Variants in LMNTD1 observed in about 807,000 individuals in gnomAD.
The protein encoded by LMNTD1 is lamin tail domain-containing protein 1.
Under a neutral mutation model 50.9 loss-of-function variants are expected in LMNTD1, and 35 were observed. The observed-to-expected ratio is 0.69, with a 90% CI of 0.53 to 0.91. LMNTD1 has a LOEUF of 0.91. Among genes scored for constraint, LMNTD1 ranks in the 40% least tolerant of loss-of-function variants. LMNTD1 has a pLI of 0.00. For synonymous variants in LMNTD1, 153 were observed against 161.9 expected (o/e 0.94, Z 0.42); for missense variants, 470 against 475.5 (o/e 0.99, Z 0.11).
chr12:25,587,008 T>C (rs111325838), intron 1 of LMNTD1, among the ~76,000 whole-genome samples: 5 of 152,206 alleles, frequency 3.3e-5, no homozygotes, highest in African/African-American at 1.2e-4. Context: ...GTAGTTCACT[T>C]AACCCATTGT....
At chr12:25,481,070 G>T (rs571475398) in intron 9 of LMNTD1, among the ~76,000 whole-genome samples, 1 of 152,008 alleles carries the variant, frequency 6.6e-6, no homozygotes, top group Non-Finnish European at 1.5e-5. Context: ...CCACCACAGA[G>T]TCTTTGGGCT....
intron 1 of LMNTD1, among the ~76,000 whole-genome samples, chr12:25,629,848 C>T (rs559835987): frequency 1.3e-5 from 2 of 152,168 alleles, no homozygotes; most frequent in Admixed American, 1.3e-4. Flanking sequence ...TGAAAAGAGT[C>T]CTCATGGAGT....
intron 4 of LMNTD1, among the ~76,000 whole-genome samples, chr12:25,530,791 T>C (rs1942170249): frequency 6.6e-6 from 1 of 152,212 alleles, no homozygotes; most frequent in Non-Finnish European, 1.5e-5. Flanking sequence ...CTCTGGATCC[T>C]GTGAATATGT....
At chr12:25,545,967 ATAGATAC>A (rs1943402537) in intron 4 of LMNTD1, among the ~76,000 whole-genome samples, 3 of 151,712 alleles carry the variant, frequency 2.0e-5, no homozygotes, top group South Asian at 4.1e-4. Context: ...TTCTTTTTGC[ATAGATAC>A]TAACAGTCAT....
At chr12:25,549,239 T>A (rs1943609762) in intron 3 of LMNTD1, 87 bp downstream of exon 3, 3 of 682,436 alleles carry the variant, frequency 4.4e-6, no homozygotes, top group Non-Finnish European at 7.2e-6. Flanking sequence ...TAATAAAACA[T>A]CATTCTGACT....
chr12:25,607,214 C>G (rs1027271917), intron 1 of LMNTD1, among the ~76,000 whole-genome samples: 1 of 151,896 alleles, frequency 6.6e-6, no homozygotes, highest in African/African-American at 2.4e-5. Flanking sequence ...CTGTTTGATT[C>G]TTCTCTCTTT....
rs55781545 is a variant in LMNTD1 at position 25,571,339 on chromosome 12, TTTTATTTA to T, written c.59-24793_59-24786del. Among the ~76,000 whole-genome samples the T allele has an allele frequency of 6.4e-3, 946 of 148,774 alleles. 18 individuals carry two copies. In the East Asian group the frequency reaches 0.072, roughly 11 times the overall value. On this transcript the variant is annotated intron_variant, in intron 1 of 7. Coordinates refer to the LMNTD1 transcript ENST00000445693. ...GGGATTTCTTTTTTCAAAAAAGTAT[TTTTATTTA>T]TTTATTTATTTATTTATTTATTTAT...
At chr12:25,596,984 T>C (rs1023889466) in intron 1 of LMNTD1, among the ~76,000 whole-genome samples, 1 of 152,038 alleles carries the variant, frequency 6.6e-6, no homozygotes, top group African/African-American at 2.4e-5. Context: ...CGTTAAGTTG[T>C]TATCAGCTTA....
At chr12:25,488,793 T>A (rs1484504311) in intron 9 of LMNTD1, among the ~76,000 whole-genome samples, 2 of 152,248 alleles carry the variant, frequency 1.3e-5, no homozygotes, top group Non-Finnish European at 2.9e-5. Flanking sequence ...ATGATGGTGA[T>A]GTACAGATGG....
chr12:25,482,365 A>C (rs781697552), intron 9 of LMNTD1, among the ~76,000 whole-genome samples: 17 of 152,034 alleles, frequency 1.1e-4, no homozygotes, highest in Non-Finnish European at 2.4e-4. Flanking sequence ...TGTCAGAGAC[A>C]GTCAATCTTA....
chr12:25,489,680 T>C (rs11830763), intron 9 of LMNTD1, among the ~76,000 whole-genome samples: 39,423 of 151,754 alleles, frequency 0.26, 5,290 homozygotes, highest in Middle Eastern at 0.34. Flanking sequence ...CCATTTTAAG[T>C]AGTTATGAAG....
intron 1 of LMNTD1, among the ~76,000 whole-genome samples, chr12:25,613,730 T>A (rs1431014235): frequency 1.3e-5 from 2 of 152,122 alleles, no homozygotes; most frequent in East Asian, 3.9e-4. Context: ...TTAATATCAA[T>A]AGAATCTTGC....
At chr12:25,629,649 T>G (rs1946670186) in intron 1 of LMNTD1, among the ~76,000 whole-genome samples, 1 of 152,090 alleles carries the variant, frequency 6.6e-6, no homozygotes, top group Non-Finnish European at 1.5e-5. Context: ...GGGGATTGAT[T>G]TTATTTGGAA....
rs545426169 is a variant in LMNTD1, at chr12:25,569,871, G to A, written c.59-23317C>T. 1.8e-3 allele frequency among the ~76,000 whole-genome samples: 281 copies of A among 152,238 alleles called. 1 individual carries two copies. The highest frequency in any genetic ancestry group is 6.4e-3 in the African/African-American group (265 of 41,528). ...TGCTTTCTGTGCAGCCTGCAAAACC[G>A]TGAACCAATTCAACCTCTTTTATTT... On this transcript the variant is annotated intron_variant, in intron 1 of 7. Coordinates refer to the LMNTD1 transcript ENST00000445693.
intron 4 of LMNTD1, among the ~76,000 whole-genome samples, chr12:25,535,020 A>T (rs1942487717): frequency 6.6e-6 from 1 of 152,228 alleles, no homozygotes; most frequent in African/African-American, 2.4e-5. Context: ...CCAGGCATGC[A>T]AATAAATTGA....
chr12:25,629,585 G>T (rs1946668753), intron 1 of LMNTD1, among the ~76,000 whole-genome samples: 1 of 152,164 alleles, frequency 6.6e-6, no homozygotes, highest in African/African-American at 2.4e-5. Flanking sequence ...CAGAGGTCAT[G>T]CCTCTGGGGA....
chr12:25,518,741 A>G (rs1940987548), intron 8 of LMNTD1, 54 bp downstream of exon 8: 4 of 1,472,654 alleles, frequency 2.7e-6, no homozygotes, highest in Non-Finnish European at 3.8e-6. Flanking sequence ...TAGTTAACAC[A>G]TGTGCATGCA....
At chr12:25,544,145 T>C (rs1943278203) in intron 4 of LMNTD1, among the ~76,000 whole-genome samples, 1 of 151,896 alleles carries the variant, frequency 6.6e-6, no homozygotes, top group East Asian at 1.9e-4. Flanking sequence ...GTCTGGTTCA[T>C]CTGTCCATTA....
chr12:25,545,041 T>C (rs996061163), intron 4 of LMNTD1, among the ~76,000 whole-genome samples: 1 of 151,812 alleles, frequency 6.6e-6, no homozygotes, highest in Non-Finnish European at 1.5e-5. Flanking sequence ...GGTTTTTCCA[T>C]GTACTTAATT....
Sources: allele counts gnomAD v4.1 joint callset (sites outside exome capture counted in the v4.1 genomes callset), GRCh38; gene constraint gnomAD v4.1.1; transcripts MANE v1.5; gene names NCBI Gene and HGNC (gene_info 2026-07-23, HGNC 2026-07-21).